Variants in SIPA1L1 observed in about 807,000 individuals in gnomAD.
SIPA1L1 encodes the protein signal induced proliferation associated 1 like 1, also known as signal-induced proliferation-associated 1-like protein 1.
In SIPA1L1, 26 loss-of-function variants were observed where a neutral mutation model predicts 162.7. That is an observed-to-expected ratio of 0.16 (90% CI 0.12 to 0.22). The LOEUF (loss-of-function observed/expected upper bound fraction) is 0.22, where lower values mean the gene tolerates loss of function less well. Among genes scored for constraint, SIPA1L1 ranks in the 10% least tolerant of loss-of-function variants. The probability of loss-of-function intolerance (pLI) is 1.00; values close to 1 mark genes in which losing one functional copy is unlikely to be tolerated. For missense variants in SIPA1L1, 1,874 were observed against 2,241.0 expected, an observed-to-expected ratio of 0.84 and a Z score of 3.31; for synonymous variants, 829 against 837.4, an observed-to-expected ratio of 0.99 and a Z score of 0.17.
intron 2 of SIPA1L1, among the ~76,000 whole-genome samples, chr14:71,368,142 C>CTTTTTTTTTTTTT (rs755238643): frequency 7.8e-5 from 9 of 115,176 alleles, no homozygotes; most frequent in Admixed American, 1.7e-4. Flanking sequence ...TTGTGGTATT[C>CTTTTTTTTTTTTT]TTTTTTTTTT....
chr14:71,537,537 T>C lies in SIPA1L1; in HGVS notation c.-303+8167T>C, dbSNP rs536322407. 5.3e-5 allele frequency among the ~76,000 whole-genome samples: 8 copies of C among 152,292 alleles called. No homozygotes were observed. The South Asian group carries it at 1.2e-3, about 24-fold the overall frequency. On this transcript the variant is annotated intron_variant, in intron 4 of 23. Transcript: ENST00000381232. ...CTACTTCTACACGAAGACAGACTGA[T>C]AGGTTTTTATTTTAGATAAGCAATT...
chr14:71,424,726 A>G (rs1263894707), intron 2 of SIPA1L1, among the ~76,000 whole-genome samples: 2 of 151,990 alleles, frequency 1.3e-5, no homozygotes, highest in Admixed American at 6.6e-5. Flanking sequence ...ATGGTCTCCA[A>G]TTTTCTTGTA....
chr14:71,488,835 CT>C (rs757816413), intron 2 of SIPA1L1, among the ~76,000 whole-genome samples: 15 of 152,278 alleles, frequency 9.9e-5, no homozygotes, highest in Middle Eastern at 3.4e-3. Context: ...AAAATATGCT[CT>C]GTTTTTCATA....
At chr14:71,514,584 TCCA>T (rs2051519588) in intron 3 of SIPA1L1, among the ~76,000 whole-genome samples, 1 of 152,302 alleles carries the variant, frequency 6.6e-6, no homozygotes, top group East Asian at 1.9e-4. Flanking sequence ...CAACTGCCTG[TCCA>T]CCACTTGATG....
intron 4 of SIPA1L1, among the ~76,000 whole-genome samples, chr14:71,561,798 G>A (rs2056817200): frequency 6.6e-6 from 1 of 152,152 alleles, no homozygotes; most frequent in African/African-American, 2.4e-5. Context: ...TGTTGGTCAG[G>A]CTGGTCTCAA....
chr14:71,729,926 G>A, intron 19 of SIPA1L1, 129 bp from the exon 20 acceptor site: 1 of 992,046 alleles, frequency 1.0e-6, no homozygotes, highest in Admixed American at 2.3e-5. Context: ...AATAGACAAT[G>A]AGCCCTGAAG....
In SIPA1L1 at chr14:71,670,115, C is replaced by T. The variant is rs142435489; in HGVS notation, c.2256-1004C>T. Among the ~76,000 whole-genome samples the T allele has an allele frequency of 1.9e-4, 29 of 152,226 alleles. 1 individual carries two copies. The highest frequency in any genetic ancestry group is 3.1e-4 in the Non-Finnish European group (21 of 67,998). ...TTGTTCACTTTTAATTTGGAAAGAG[C>T]GATCTTCGATGTGTTAGAATCATTT... On this transcript the variant is annotated intron_variant, in intron 10 of 23. Coordinates refer to ENST00000381232, the MANE Select transcript of SIPA1L1 (RefSeq NM_001386936.1).
chr14:71,412,755 T>C (rs932149771), intron 2 of SIPA1L1, among the ~76,000 whole-genome samples: 2 of 152,244 alleles, frequency 1.3e-5, no homozygotes, highest in African/African-American at 2.4e-5. Context: ...GGAACAGAGT[T>C]TGGCAATTAC....
intron 2 of SIPA1L1, among the ~76,000 whole-genome samples, chr14:71,422,147 T>C (rs184217242): frequency 1.3e-4 from 20 of 152,324 alleles, no homozygotes; most frequent in Middle Eastern, 3.4e-3. Flanking sequence ...TGTTGGCTCA[T>C]ACCTATAATA....
At chr14:71,423,777 T>C (rs1028259983) in intron 2 of SIPA1L1, among the ~76,000 whole-genome samples, 6 of 152,182 alleles carry the variant, frequency 3.9e-5, no homozygotes, top group African/African-American at 1.2e-4. Context: ...TTCAGGATCA[T>C]TGTGGCTATT....
chr14:71,721,394 G>C (rs2083716412), intron 17 of SIPA1L1, among the ~76,000 whole-genome samples: 1 of 152,218 alleles, frequency 6.6e-6, no homozygotes, highest in South Asian at 2.1e-4. Context: ...CCTGAAGATA[G>C]CACGGTACGG....
At chr14:71,489,342 A>G (rs894603133) in intron 2 of SIPA1L1, among the ~76,000 whole-genome samples, 9 of 152,174 alleles carry the variant, frequency 5.9e-5, no homozygotes, top group African/African-American at 2.2e-4. Flanking sequence ...TCTGTGTGCT[A>G]TATGTCTGCT....
chr14:71,533,781 G>A (rs2053652063), intron 4 of SIPA1L1, among the ~76,000 whole-genome samples: 1 of 152,182 alleles, frequency 6.6e-6, no homozygotes, highest in Admixed American at 6.5e-5. Flanking sequence ...GAGTTAAATT[G>A]AAAGACTTTA....
chr14:71,672,659 A>G, intron 12 of SIPA1L1, 37 bp downstream of exon 12: 1 of 1,601,334 alleles, frequency 6.2e-7, no homozygotes, highest in Non-Finnish European at 8.5e-7. Flanking sequence ...CTGAGACTCG[A>G]GTGCAGGGTT....
intron 15 of SIPA1L1, among the ~76,000 whole-genome samples, chr14:71,704,314 A>C (rs945045386): frequency 6.6e-6 from 1 of 152,190 alleles, no homozygotes; most frequent in African/African-American, 2.4e-5. Context: ...TTCTCTACTC[A>C]GTTTATAAGA....
intron 17 of SIPA1L1, among the ~76,000 whole-genome samples, chr14:71,716,216 A>G (rs1250524948): frequency 6.6e-6 from 1 of 152,230 alleles, no homozygotes; most frequent in Admixed American, 6.5e-5. Flanking sequence ...GATAGAGTAC[A>G]GAACTGGCTA....
chr14:71,467,287 G>C (rs953836401), intron 2 of SIPA1L1: 4 of 152,146 alleles, frequency 2.6e-5, no homozygotes, highest in South Asian at 4.1e-4. Context: ...CAGGTTATTT[G>C]AATCAAGTAA....
chr14:71,397,975 T>C (rs1264820473), intron 2 of SIPA1L1, among the ~76,000 whole-genome samples: 4 of 150,912 alleles, frequency 2.7e-5, no homozygotes, highest in African/African-American at 9.7e-5. Context: ...GAAAGGTTGA[T>C]GGCCTAACTG....
At chr14:71,343,836 T>C (rs892322760) in intron 2 of SIPA1L1, among the ~76,000 whole-genome samples, 5 of 152,206 alleles carry the variant, frequency 3.3e-5, no homozygotes, top group African/African-American at 9.6e-5. Flanking sequence ...GAACAGTGTT[T>C]ACCTTAGATT....
Sources: gnomAD v4.1 joint callset for allele counts (sites outside exome capture counted in the v4.1 genomes callset) on GRCh38, gnomAD v4.1.1 for gene constraint, MANE v1.5 for transcripts, NCBI Gene and HGNC (gene_info 2026-07-23, HGNC 2026-07-21) for gene names.